The following GABRB1 variants were observed in gnomAD, a reference collection of about 807,000 sequenced individuals.
GABRB1 encodes gamma-aminobutyric acid receptor subunit beta-1.
In GABRB1, 17 loss-of-function variants were observed where a neutral mutation model predicts 51.6. That is an observed-to-expected ratio of 0.33 (90% CI 0.23 to 0.49). GABRB1 has a LOEUF of 0.49. Ranked by LOEUF, GABRB1 falls within the 20% of genes least tolerant of loss-of-function variation. GABRB1 has a pLI of 0.99. For missense variants in GABRB1, 410 were observed against 600.6 expected (o/e 0.68, Z 3.32); for synonymous variants, 247 against 218.9 (o/e 1.13, Z -1.14).
At chr4:47,312,026 T>A (rs1039284946) in intron 4 of GABRB1, among the ~76,000 whole-genome samples, 2 of 128,166 alleles carry the variant, frequency 1.6e-5, no homozygotes, top group East Asian at 4.9e-4. Flanking sequence ...AATAAAACAT[T>A]TACCCAAGGC....
intron 3 of GABRB1, among the ~76,000 whole-genome samples, chr4:47,036,076 C>T (rs1461920261): frequency 6.6e-6 from 1 of 152,174 alleles, no homozygotes; most frequent in Non-Finnish European, 1.5e-5. Flanking sequence ...AGATAGCTAT[C>T]ATGGATTCAT....
intron 4 of GABRB1, among the ~76,000 whole-genome samples, chr4:47,165,134 G>A (rs896563218): frequency 3.3e-5 from 5 of 151,936 alleles, no homozygotes; most frequent in Admixed American, 6.6e-5. Flanking sequence ...ACTTAAAAGC[G>A]GAGACTATAC....
At chr4:47,400,526 G>GTCTCTCTCTCTCTC (rs56896606) in intron 5 of GABRB1, among the ~76,000 whole-genome samples, 2,569 of 117,856 alleles carry the variant, frequency 0.022, 41 homozygotes, top group South Asian at 0.066. Context: ...CCAGGAGGTA[G>GTCTCTCTCTCTCTC]TCTCTCTCTC....
chr4:47,388,119 T>C (rs986245925), intron 5 of GABRB1, among the ~76,000 whole-genome samples: 2 of 152,166 alleles, frequency 1.3e-5, no homozygotes, highest in African/African-American at 4.8e-5. Flanking sequence ...GGCTCCAAAA[T>C]ACATAAAGAA....
In GABRB1 at chr4:47,419,684, G is replaced by A. The variant is rs115758704; in HGVS notation, c.1081-5990G>A. Among the ~76,000 whole-genome samples the A allele has an allele frequency of 5.5e-4, 84 of 152,320 alleles. 1 individual carries two copies. Among genetic ancestry groups the A allele is most frequent in the African/African-American group, 1.9e-3 (79 of 41,576 alleles). On this transcript the variant is annotated intron_variant, in intron 8 of 8. Transcript: ENST00000295454. ...GGGCTGATGTCTTCATCAGTGTCTG[G>A]AACAGTGCCTGAGGCATAGTAGGCA...
rs1725299486 is a variant in GABRB1, at chr4:47,031,602, C to A, written c.-50C>A. On this transcript the variant is annotated 5_prime_UTR_variant, in exon 1 of 9. Transcript: ENST00000295454. ...TACTGCCCAGCAGCCGACTAAGTTG[C>A]ATTCCTTGAATCTTCGCAGAAAAGA... 1 of 1,494,136 alleles carries A rather than the reference C, an allele frequency of 6.7e-7. No individual in the cohort carries two copies. The highest frequency in any genetic ancestry group is 1.1e-5 in the South Asian group (1 of 88,286). 92.6% of individuals were successfully genotyped at this position (1,494,136 alleles called of 1,614,324 possible).
intron 3 of GABRB1, among the ~76,000 whole-genome samples, chr4:47,108,340 A>G (rs1024086773): frequency 6.6e-6 from 1 of 152,090 alleles, no homozygotes; most frequent in Non-Finnish European, 1.5e-5. Context: ...AAAGGAGTAA[A>G]AGAGAGAAAA....
At chr4:47,417,624 G>T (rs189449433) in intron 8 of GABRB1, among the ~76,000 whole-genome samples, 1 of 152,172 alleles carries the variant, frequency 6.6e-6, no homozygotes, top group South Asian at 2.1e-4. Flanking sequence ...GCAGCCATTC[G>T]CACTAGTTGG....
chr4:47,192,951 C>A (rs10008220), intron 4 of GABRB1, among the ~76,000 whole-genome samples: 21,127 of 152,134 alleles, frequency 0.14, 1,911 homozygotes, highest in East Asian at 0.31. Flanking sequence ...ACCTGAATAA[C>A]CTCAAGTTCA....
At chr4:47,359,539 A>G (rs1726721604) in intron 5 of GABRB1, among the ~76,000 whole-genome samples, 1 of 152,126 alleles carries the variant, frequency 6.6e-6, no homozygotes, top group Non-Finnish European at 1.5e-5. Flanking sequence ...AAAATGACCC[A>G]AAGTGAGGAA....
intron 4 of GABRB1, among the ~76,000 whole-genome samples, chr4:47,289,988 G>A (rs116538807): frequency 6.6e-5 from 10 of 152,330 alleles, no homozygotes; most frequent in African/African-American, 2.4e-4. Context: ...CAAAAGCAGT[G>A]AGAAATGCTG....
chr4:47,363,397 A>T (rs1726873056), intron 5 of GABRB1, among the ~76,000 whole-genome samples: 1 of 152,064 alleles, frequency 6.6e-6, no homozygotes, highest in Non-Finnish European at 1.5e-5. Context: ...TGTGTCGGTT[A>T]TGGGGGAGGA....
chr4:47,378,058 G>A (rs532067288), intron 5 of GABRB1, among the ~76,000 whole-genome samples: 1 of 152,334 alleles, frequency 6.6e-6, no homozygotes, highest in East Asian at 1.9e-4. Flanking sequence ...CTCAGCCCTT[G>A]GGTGGTCGAT....
At chr4:47,014,538 C>G (rs1480995280) in intron 1 of GABRB1, among the ~76,000 whole-genome samples, 2 of 152,092 alleles carry the variant, frequency 1.3e-5, no homozygotes, top group African/African-American at 4.8e-5. Flanking sequence ...TCCCCACCAG[C>G]CTCCCATACC....
chr4:47,000,917 A>G (rs1356157832), intron 1 of GABRB1, among the ~76,000 whole-genome samples: 1 of 152,188 alleles, frequency 6.6e-6, no homozygotes, highest in Middle Eastern at 3.2e-3. Context: ...AGATTCATGC[A>G]GAGGGGATAA....
intron 5 of GABRB1, among the ~76,000 whole-genome samples, chr4:47,337,948 A>G (rs1346122006): frequency 6.6e-6 from 1 of 152,120 alleles, no homozygotes; most frequent in East Asian, 1.9e-4. Flanking sequence ...GTACAGGGCA[A>G]TCAGCTATTT....
At chr4:47,162,881 A>C (rs976561743) in intron 4 of GABRB1, among the ~76,000 whole-genome samples, 2 of 152,052 alleles carry the variant, frequency 1.3e-5, no homozygotes, top group Admixed American at 6.6e-5. Context: ...CAAACCATTC[A>C]TCTATCATCT....
At chr4:47,043,428 C>T (rs1021300460) in intron 3 of GABRB1, 1 of 152,030 alleles carries the variant, frequency 6.6e-6, no homozygotes, top group Non-Finnish European at 1.5e-5. Context: ...TAACGTGGTT[C>T]TCTGAAACTG....
intron 3 of GABRB1, among the ~76,000 whole-genome samples, chr4:47,111,576 A>G (rs1010657526): frequency 3.3e-5 from 5 of 152,104 alleles, no homozygotes; most frequent in Non-Finnish European, 5.9e-5. Context: ...TTAGAAATCC[A>G]TTGCAGGCCA....
Sources: allele counts gnomAD v4.1 joint callset (sites outside exome capture counted in the v4.1 genomes callset), GRCh38; gene constraint gnomAD v4.1.1; transcripts MANE v1.5; gene names NCBI Gene and HGNC (gene_info 2026-07-23, HGNC 2026-07-21).